The following ZBTB20 variants were observed in gnomAD, a reference collection of about 807,000 sequenced individuals.
The protein encoded by ZBTB20 is zinc finger and BTB domain containing 20.
ZBTB20 carries 9 observed loss-of-function variants against 56.9 expected under a neutral mutation model. The observed-to-expected ratio is 0.16, with a 90% CI of 0.10 to 0.28. The LOEUF is 0.28. ZBTB20 is among the 10% of genes least tolerant of loss of function. ZBTB20 has a pLI of 1.00. For synonymous variants in ZBTB20, 417 were observed against 420.7 expected, an observed-to-expected ratio of 0.99 and a Z score of 0.11; for missense variants, 655 against 1,003.0, an observed-to-expected ratio of 0.65 and a Z score of 4.69.
intron 1 of ZBTB20, among the ~76,000 whole-genome samples, chr3:115,138,707 G>A (rs1174267279): frequency 1.3e-5 from 2 of 152,004 alleles, no homozygotes; most frequent in African/African-American, 4.8e-5. Flanking sequence ...CCTGTCTCAC[G>A]GGATTGTGGA....
At chr3:114,705,329 G>C (rs1316559622) in intron 5 of ZBTB20, among the ~76,000 whole-genome samples, 3 of 152,144 alleles carry the variant, frequency 2.0e-5, no homozygotes, top group Non-Finnish European at 4.4e-5. Flanking sequence ...TACATCCCTA[G>C]TATGCAGCAC....
chr3:115,125,011 C>A (rs1179848697), intron 1 of ZBTB20, among the ~76,000 whole-genome samples: 1 of 151,576 alleles, frequency 6.6e-6, no homozygotes, highest in Non-Finnish European at 1.5e-5. Flanking sequence ...TGCACATGTA[C>A]CCCTGAACTT....
In ZBTB20 at chr3:115,101,915, TTAAA is replaced by T. The variant is rs1454447139; in HGVS notation, c.-702-30505_-702-30502del. Among the ~76,000 whole-genome samples the T allele has an allele frequency of 3.3e-5, 5 of 152,224 alleles. No individual in the cohort carries two copies. The South Asian group carries it at 1.0e-3, about 31-fold the overall frequency. The stretch of plus-strand genomic sequence containing the variant: ...AAAAAAATCAGTTTTCAATTAAAAA[TTAAA>T]TAACTTTCAATATATAACTTATAGA... On this transcript the variant is annotated intron_variant, in intron 1 of 11. Transcript: ENST00000675478.
At chr3:114,574,542 C>A (rs183033850) in intron 6 of ZBTB20, among the ~76,000 whole-genome samples, 1 of 152,074 alleles carries the variant, frequency 6.6e-6, no homozygotes, top group East Asian at 1.9e-4. Flanking sequence ...CATAATTTTT[C>A]TCTTTATATT....
At chr3:114,936,540 TATTATA>T (rs1260747168) in intron 3 of ZBTB20, among the ~76,000 whole-genome samples, 24 of 152,274 alleles carry the variant, frequency 1.6e-4, no homozygotes, top group African/African-American at 4.3e-4. Context: ...CAAAAAGAAG[TATTATA>T]ATTATAACTA....
intron 7 of ZBTB20, among the ~76,000 whole-genome samples, chr3:114,433,144 GA>G (rs573329202): frequency 1.3e-5 from 2 of 151,746 alleles, no homozygotes; most frequent in African/African-American, 4.8e-5. Context: ...CGAGGAAACA[GA>G]AAAAAAAGAT....
In ZBTB20 at chr3:114,726,709, A is replaced by G. The variant is rs542357963; in HGVS notation, c.-342-33134T>C. ...GGGCGGATCACGAGGTCAGGAAATC[A>G]TGATCATCCTGGCTAACATGGTGAA... On this transcript the variant is annotated intron_variant, in intron 5 of 11. Coordinates refer to ENST00000675478, the MANE Select transcript of ZBTB20 (RefSeq NM_001348800.3). 5.3e-5 allele frequency among the ~76,000 whole-genome samples: 8 copies of G among 151,952 alleles called. No homozygotes were observed. In the South Asian group the frequency reaches 1.5e-3, roughly 28 times the overall value.
intron 4 of ZBTB20, among the ~76,000 whole-genome samples, chr3:114,827,098 G>T (rs967629929): frequency 7.9e-5 from 12 of 151,562 alleles, no homozygotes; most frequent in Admixed American, 2.0e-4. Context: ...TTAATAATTT[G>T]CCTTGCTTCA....
At position 114,513,243 on chromosome 3, in the gene ZBTB20, C is replaced by T. The variant is rs558716337; in HGVS notation, c.-294-12852G>A. The stretch of plus-strand genomic sequence containing the variant: ...TGATGAAATTATAAATACCATTATT[C>T]CACCTCTATGTTAATACTCTTATTA... On this transcript the variant is annotated intron_variant, in intron 6 of 11. Transcript: ENST00000675478. Among the ~76,000 whole-genome samples, 443 of 152,232 alleles carry T rather than the reference C, an allele frequency of 2.9e-3. 1 individual carries two copies. Among genetic ancestry groups the T allele is most frequent in the Non-Finnish European group, 5.3e-3 (359 of 68,016 alleles).
intron 4 of ZBTB20, among the ~76,000 whole-genome samples, chr3:114,848,543 A>C (rs2074834030): frequency 6.6e-6 from 1 of 152,078 alleles, no homozygotes; most frequent in Admixed American, 6.5e-5. Context: ...GATGGAGGTA[A>C]AGGGCCCCAC....
chr3:114,467,040 T>G lies in ZBTB20; in HGVS notation c.-255+33312A>C, dbSNP rs533204021. 2.6e-4 allele frequency among the ~76,000 whole-genome samples: 39 copies of G among 152,164 alleles called. 1 individual carries two copies. The highest frequency in any genetic ancestry group is 1.8e-3 in the Admixed American group (27 of 15,268). On this transcript the variant is annotated intron_variant, in intron 7 of 11. Coordinates refer to ENST00000675478, the MANE Select transcript of ZBTB20 (RefSeq NM_001348800.3). The stretch of plus-strand genomic sequence containing the variant: ...TTCCAACAATTAGAAATTGGAGAGA[T>G]AGGTTTTAGGCAAGGGAAACAGAAA...
intron 4 of ZBTB20, among the ~76,000 whole-genome samples, chr3:114,863,552 G>A (rs138735483): frequency 6.6e-6 from 1 of 152,100 alleles, no homozygotes; most frequent in Admixed American, 6.5e-5. Flanking sequence ...GGAAATCACT[G>A]CTTCCAGGGC....
chr3:114,998,062 T>A (rs1298110120), intron 2 of ZBTB20, among the ~76,000 whole-genome samples: 3 of 151,730 alleles, frequency 2.0e-5, no homozygotes, highest in African/African-American at 4.8e-5. Flanking sequence ...ATTACTACAG[T>A]CAAGCAAATT....
chr3:114,709,495 T>C (rs1442288091), intron 5 of ZBTB20, among the ~76,000 whole-genome samples: 1 of 152,178 alleles, frequency 6.6e-6, no homozygotes, highest in Admixed American at 6.6e-5. Flanking sequence ...TAAAGATCCA[T>C]GAGCACCTGG....
At chr3:114,890,887 T>C (rs1016808865) in intron 4 of ZBTB20, among the ~76,000 whole-genome samples, 4 of 152,216 alleles carry the variant, frequency 2.6e-5, no homozygotes, top group Admixed American at 2.6e-4. Context: ...TCTTTGACTA[T>C]GCCACATAAT....
intron 7 of ZBTB20, among the ~76,000 whole-genome samples, chr3:114,440,184 TA>T (rs1325822340): frequency 6.6e-6 from 1 of 152,160 alleles, no homozygotes; most frequent in African/African-American, 2.4e-5. Context: ...TCCCCTGCTG[TA>T]AATAGATAGC....
intron 8 of ZBTB20, among the ~76,000 whole-genome samples, chr3:114,385,387 T>C (rs1264287511): frequency 1.3e-5 from 2 of 152,190 alleles, no homozygotes; most frequent in East Asian, 3.9e-4. Flanking sequence ...TCCGCATCTC[T>C]GAGCCTCATT....
intron 3 of ZBTB20, among the ~76,000 whole-genome samples, chr3:114,923,146 T>C (rs868573445): frequency 3.9e-5 from 6 of 152,214 alleles, no homozygotes; most frequent in African/African-American, 1.4e-4. Context: ...AAAATGCCCA[T>C]GCTACCTAAA....
At position 114,543,848 on chromosome 3, in the gene ZBTB20, G is replaced by GT. The variant is rs558246922; in HGVS notation, c.-294-43458dup. ...ATAGCTTAACTCAAGAACTTTTGAAGTCTTTTTCTTCAAAGATTTTTCATA... is the reference window on the plus strand; with the variant it reads ...ATAGCTTAACTCAAGAACTTTTGAAGTTCTTTTTCTTCAAAGATTTTTCATA... On this transcript the variant is annotated intron_variant, in intron 6 of 11. Transcript: ENST00000675478. Among the ~76,000 whole-genome samples, 10 of 152,146 alleles carry GT rather than the reference G, an allele frequency of 6.6e-5. No homozygotes were observed. In the South Asian group the frequency reaches 1.7e-3, roughly 25 times the overall value.
Sources: allele counts gnomAD v4.1 joint callset (sites outside exome capture counted in the v4.1 genomes callset), GRCh38; gene constraint gnomAD v4.1.1; transcripts MANE v1.5; gene names NCBI Gene and HGNC (gene_info 2026-07-23, HGNC 2026-07-21).